CENPP: variants seen among roughly 807,000 people sequenced by gnomAD.
CENPP encodes the protein centromere protein P.
Under a neutral mutation model 35.6 loss-of-function variants are expected in CENPP, and 24 were observed. That is an observed-to-expected ratio of 0.67 (90% CI 0.49 to 0.95). The LOEUF (loss-of-function observed/expected upper bound fraction) is 0.95, where lower values mean the gene tolerates loss of function less well. CENPP is among the 40% of genes least tolerant of loss of function. The pLI, the probability that CENPP is intolerant of heterozygous loss-of-function variation, is 0.00. For synonymous variants in CENPP, 120 were observed against 125.5 expected (o/e 0.96, Z 0.29); for missense variants, 332 against 345.3 (o/e 0.96, Z 0.31).
In CENPP at chr9:92,617,099, T is replaced by C. The variant is rs1018343603; in HGVS notation, c.*3950T>C. On this transcript the variant is annotated 3_prime_UTR_variant, in exon 8 of 8. Transcript: ENST00000375587. ...CTGCTGGGGTAAGTAACTATTCTCA[T>C]CTGAAGAGTAAACAGCAAATAACTC... 21 of 152,164 alleles carry C rather than the reference T, an allele frequency of 1.4e-4. No individual in the cohort carries two copies. The highest frequency in any genetic ancestry group is 4.1e-4 in the African/African-American group (17 of 41,430). 9.4% of individuals were successfully genotyped at this position (152,164 alleles called of 1,614,324 possible).
At chr9:92,405,657 A>T (rs1369249042) in intron 5 of CENPP, among the ~76,000 whole-genome samples, 2 of 152,136 alleles carry the variant, frequency 1.3e-5, no homozygotes, top group Admixed American at 1.3e-4. Context: ...TTTGTTTTGT[A>T]TTGTGTGGCA....
chr9:92,523,056 ATTC>A (rs1310734048), intron 5 of CENPP, among the ~76,000 whole-genome samples: 1 of 152,086 alleles, frequency 6.6e-6, no homozygotes, highest in Non-Finnish European at 1.5e-5. Context: ...ATAATTTGGA[ATTC>A]TTCTATCAGA....
Position 92,510,086 on chromosome 9 carries a change from T to C in CENPP, c.565-101228T>C, listed in dbSNP as rs891757981. 5 of 1,544,256 alleles carry C rather than the reference T, an allele frequency of 3.2e-6. No individual in the cohort carries two copies. The African/African-American group carries it at 5.6e-5, about 17-fold the overall frequency. On this transcript the variant is annotated intron_variant, in intron 5 of 7. Coordinates refer to ENST00000375587, the MANE Select transcript of CENPP (RefSeq NM_001012267.3). Reference sequence around the variant, plus strand: ...TTTTTATCTAGTCACAGCTGTGCAGTCACATTTCATATAATGGTCGTGACT... The same window carrying C: ...TTTTTATCTAGTCACAGCTGTGCAGCCACATTTCATATAATGGTCGTGACT...
At chr9:92,417,158 TAATC>T in intron 5 of CENPP, 1 of 1,613,862 alleles carries the variant, frequency 6.2e-7, no homozygotes, top group Non-Finnish European at 8.5e-7. Flanking sequence ...AAACACACCA[TAATC>T]AATCTTTTGA....
In CENPP at chr9:92,390,078, A is replaced by G. The variant is rs748855451; in HGVS notation, c.564+10219A>G. On this transcript the variant is annotated intron_variant, in intron 5 of 7. Transcript: ENST00000375587. ...TTAGCTAGAGGGAAAAAAATATAAAAAACAACTACGTAAGTAAAATTCTTA... is the reference window on the plus strand; with the variant it reads ...TTAGCTAGAGGGAAAAAAATATAAAGAACAACTACGTAAGTAAAATTCTTA... 2.2e-6 allele frequency: 3 copies of G among 1,360,450 alleles called. No homozygotes were observed. The South Asian group carries it at 3.7e-5, about 17-fold the overall frequency. 84.3% of individuals were successfully genotyped at this position (1,360,450 alleles called of 1,614,324 possible).
At chr9:92,546,361 C>T (rs1849447964) in intron 5 of CENPP, among the ~76,000 whole-genome samples, 1 of 152,150 alleles carries the variant, frequency 6.6e-6, no homozygotes, top group Non-Finnish European at 1.5e-5. Flanking sequence ...AAGCTTTGTT[C>T]TTTTGCTCTT....
intron 5 of CENPP, among the ~76,000 whole-genome samples, chr9:92,506,688 G>A (rs1400051480): frequency 1.3e-5 from 2 of 152,184 alleles, no homozygotes; most frequent in East Asian, 3.9e-4. Flanking sequence ...GTAGATGTGA[G>A]TGGTATGAAA....
intron 5 of CENPP, chr9:92,404,419 A>G: frequency 1.0e-6 from 1 of 961,502 alleles, no homozygotes; most frequent in South Asian, 1.7e-5. Context: ...TGGCCTTTAC[A>G]TTTATTAAGA....
At chr9:92,550,370 TG>T (rs1305203324) in intron 5 of CENPP, among the ~76,000 whole-genome samples, 1 of 146,564 alleles carries the variant, frequency 6.8e-6, no homozygotes, top group Non-Finnish European at 1.5e-5. Context: ...CACTCCAGCC[TG>T]GGTGACAGAG....
intron 5 of CENPP, among the ~76,000 whole-genome samples, chr9:92,455,739 A>G (rs984934467): frequency 8.5e-5 from 13 of 152,158 alleles, no homozygotes; most frequent in African/African-American, 2.4e-5. Context: ...GTGTATTGTT[A>G]TTATTATATG....
chr9:92,468,540 TGTAAG>T (rs1845396366), intron 5 of CENPP, among the ~76,000 whole-genome samples: 1 of 152,196 alleles, frequency 6.6e-6, no homozygotes, highest in Non-Finnish European at 1.5e-5. Flanking sequence ...TCATCCTTTG[TGTAAG>T]AACCCAAGTG....
chr9:92,532,802 A>G (rs1002018310), intron 5 of CENPP, among the ~76,000 whole-genome samples: 2 of 151,752 alleles, frequency 1.3e-5, no homozygotes, highest in African/African-American at 4.8e-5. Flanking sequence ...TGGATCCTCT[A>G]TGTGTCTATT....
intron 5 of CENPP, chr9:92,457,331 A>G: frequency 6.2e-7 from 1 of 1,614,052 alleles, no homozygotes; most frequent in Non-Finnish European, 8.5e-7. Context: ...TCTGCTCAAA[A>G]CACAACGAAA....
In CENPP at chr9:92,546,606, G is replaced by A. The variant is rs543376769; in HGVS notation, c.565-64708G>A. ...GAACCCACCAGAAGGAAAAAACTCCGAACACACTGGAACACCAGAAGGAAC... is the reference window on the plus strand; with the variant it reads ...GAACCCACCAGAAGGAAAAAACTCCAAACACACTGGAACACCAGAAGGAAC... On this transcript the variant is annotated intron_variant, in intron 5 of 7. Coordinates refer to ENST00000375587, the MANE Select transcript of CENPP (RefSeq NM_001012267.3). Among the ~76,000 whole-genome samples the A allele has an allele frequency of 2.8e-4, 43 of 152,116 alleles. No individual in the cohort carries two copies. In the South Asian group the frequency reaches 8.5e-3, roughly 30 times the overall value.
In CENPP at chr9:92,600,500, G is replaced by A. The variant is rs1280414850; in HGVS notation, c.565-10814G>A. 4 of 1,612,802 alleles carry A rather than the reference G, an allele frequency of 2.5e-6. No homozygotes were observed. The Admixed American group carries it at 5.0e-5, about 20-fold the overall frequency. ...CAGCTGGTCTGTTCTGCAAAGGTCT[G>A]GAGATGAGGTAAGTGCTGAGGGCTG... On this transcript the variant is annotated intron_variant, in intron 5 of 7. Transcript: ENST00000375587.
chr9:92,533,031 G>A (rs914002316), intron 5 of CENPP, among the ~76,000 whole-genome samples: 4 of 151,948 alleles, frequency 2.6e-5, no homozygotes, highest in African/African-American at 9.7e-5. Flanking sequence ...GGGTGCGGTG[G>A]CTCAAGTCTG....
intron 5 of CENPP, among the ~76,000 whole-genome samples, chr9:92,421,921 C>T (rs536268306): frequency 6.6e-6 from 1 of 152,196 alleles, no homozygotes; most frequent in Admixed American, 6.5e-5. Context: ...CTTTTGTAGA[C>T]ATCATTTGAC....
intron 5 of CENPP, among the ~76,000 whole-genome samples, chr9:92,605,752 G>A (rs1238582198): frequency 2.0e-5 from 3 of 152,056 alleles, no homozygotes; most frequent in Non-Finnish European, 4.4e-5. Flanking sequence ...TGGTTTCTTA[G>A]CTATGACACC....
chr9:92,510,167 C>T, intron 5 of CENPP: 1 of 897,588 alleles, frequency 1.1e-6, no homozygotes, highest in South Asian at 2.4e-5. Context: ...CCAGGCCACA[C>T]AGCAAACCCC....
Sources: allele counts gnomAD v4.1 joint callset (sites outside exome capture counted in the v4.1 genomes callset), GRCh38; gene constraint gnomAD v4.1.1; transcripts MANE v1.5; gene names NCBI Gene and HGNC (gene_info 2026-07-23, HGNC 2026-07-21).